SRC: variants seen among roughly 807,000 people sequenced by gnomAD.
SRC encodes the protein SRC proto-oncogene, non-receptor tyrosine kinase, also known as proto-oncogene tyrosine-protein kinase Src.
A neutral mutation model predicts 62.9 loss-of-function variants in SRC; 13 were observed. That is an observed-to-expected ratio of 0.21 (90% CI 0.13 to 0.33). The LOEUF is 0.33. Among genes scored for constraint, SRC ranks in the 10% least tolerant of loss-of-function variants. The probability of loss-of-function intolerance (pLI) is 1.00; values close to 1 mark genes in which losing one functional copy is unlikely to be tolerated. For missense variants in SRC, 457 were observed against 737.3 expected, an observed-to-expected ratio of 0.62 and a Z score of 4.40; for synonymous variants, 302 against 317.5, an observed-to-expected ratio of 0.95 and a Z score of 0.52.
At chr20:37,359,763 C>T (rs2069937502) in intron 1 of SRC, among the ~76,000 whole-genome samples, 1 of 151,818 alleles carries the variant, frequency 6.6e-6, no homozygotes, top group South Asian at 2.1e-4. Context: ...GTCCTGGGTG[C>T]ACCTGGCTGC....
At position 37,355,675 on chromosome 20, in the gene SRC, A is replaced by G. The variant is rs181275076; in HGVS notation, c.-247+9420A>G. Among the ~76,000 whole-genome samples the G allele has an allele frequency of 5.8e-3, 887 of 152,298 alleles. 3 individuals carry two copies. Among genetic ancestry groups the G allele is most frequent in the African/African-American group, 0.02 (838 of 41,550 alleles). On this transcript the variant is annotated intron_variant, in intron 1 of 13. Coordinates refer to ENST00000373578, the MANE Select transcript of SRC (RefSeq NM_198291.3). Reference sequence around the variant, plus strand: ...GGTAGGGGCCATATGAACTATGGCAACCCAGCACAATGCCAGGAGAGCTTC... The same window carrying G: ...GGTAGGGGCCATATGAACTATGGCAGCCCAGCACAATGCCAGGAGAGCTTC...
intron 7 of SRC, among the ~76,000 whole-genome samples, chr20:37,395,380 C>T (rs1481016047): frequency 6.6e-6 from 1 of 152,244 alleles, no homozygotes; most frequent in Non-Finnish European, 1.5e-5. Flanking sequence ...TCCCTGGCTG[C>T]TGGAGCCTCT....
intron 5 of SRC, among the ~76,000 whole-genome samples, chr20:37,389,275 T>G (rs2070507875): frequency 6.6e-6 from 1 of 152,118 alleles, no homozygotes; most frequent in East Asian, 1.9e-4. Context: ...TGGGTCTGAC[T>G]CTGGGTTGCT....
At chr20:37,352,779 C>G (rs2069825673) in intron 1 of SRC, among the ~76,000 whole-genome samples, 2 of 152,196 alleles carry the variant, frequency 1.3e-5, no homozygotes, top group African/African-American at 4.8e-5. Flanking sequence ...TATTTTCGAG[C>G]CGTAGCTATC....
chr20:37,403,408 G>C lies in SRC; in HGVS notation c.*29G>C. The C allele has an allele frequency of 6.5e-7, 1 of 1,543,154 alleles. No individual in the cohort carries two copies. The highest frequency in any genetic ancestry group is 8.7e-7 in the Non-Finnish European group (1 of 1,144,118). Reference sequence around the variant, plus strand: ...CAGGCGGGCCCAGACCGGCTTCTCGGCTTGGATCCTGGGCTGGGTGGCCCC... The same window carrying C: ...CAGGCGGGCCCAGACCGGCTTCTCGCCTTGGATCCTGGGCTGGGTGGCCCC... On this transcript the variant is annotated 3_prime_UTR_variant, in exon 14 of 14. Coordinates refer to ENST00000373578, the MANE Select transcript of SRC (RefSeq NM_198291.3). The surrounding 1 kb of genome is among the most constrained non-coding windows in gnomAD (Gnocchi z 7.1).
Position 37,366,330 on chromosome 20 carries a change from A to G in SRC, c.-173+1053A>G, listed in dbSNP as rs76402630. ...ATCTGATAGGTGAACAGTGGCCCCC[A>G]GTGTAGTTTATTTGAAAAATGTGTA... On this transcript the variant is annotated intron_variant, in intron 2 of 13. Coordinates refer to ENST00000373578, the MANE Select transcript of SRC (RefSeq NM_198291.3). Among the ~76,000 whole-genome samples, 764 of 152,304 alleles carry G rather than the reference A, an allele frequency of 5.0e-3. 8 individuals carry two copies. Among genetic ancestry groups the G allele is most frequent in the African/African-American group, 0.018 (728 of 41,574 alleles).
intron 1 of SRC, among the ~76,000 whole-genome samples, chr20:37,352,225 A>G (rs535752817): frequency 6.6e-6 from 1 of 152,360 alleles, no homozygotes; most frequent in Admixed American, 6.5e-5. Flanking sequence ...CGATGAGCCA[A>G]TGTGTGCCAA....
chr20:37,370,340 C>A (rs6018091), intron 2 of SRC, among the ~76,000 whole-genome samples: 32,198 of 152,170 alleles, frequency 0.21, 4,821 homozygotes, highest in African/African-American at 0.43. Flanking sequence ...TTTGGGAGAC[C>A]AAGGCGGGAG....
At chr20:37,381,847 C>T (rs1049920007) in intron 2 of SRC, among the ~76,000 whole-genome samples, 2 of 152,144 alleles carry the variant, frequency 1.3e-5, no homozygotes, top group Non-Finnish European at 2.9e-5. Context: ...TTGACTTGTC[C>T]CTCAGGAGAC....
chr20:37,376,344 A>T (rs748982744), intron 2 of SRC, among the ~76,000 whole-genome samples: 34 of 152,226 alleles, frequency 2.2e-4, no homozygotes, highest in Non-Finnish European at 4.0e-4. Context: ...AGCACTTTCT[A>T]TGTGCCAGGC....
chr20:37,371,221 T>C (rs1036952624), intron 2 of SRC, among the ~76,000 whole-genome samples: 3 of 152,220 alleles, frequency 2.0e-5, no homozygotes, highest in Non-Finnish European at 2.9e-5. Context: ...CTTGAACTCC[T>C]GAACTCAGGT....
At chr20:37,375,328 C>T (rs1230898132) in intron 2 of SRC, among the ~76,000 whole-genome samples, 1 of 151,902 alleles carries the variant, frequency 6.6e-6, no homozygotes, top group East Asian at 1.9e-4. Context: ...ACCTTCCAGA[C>T]TCAAGTGATT....
At chr20:37,391,553 ACT>A (rs1211842422) in intron 5 of SRC, among the ~76,000 whole-genome samples, 1 of 151,876 alleles carries the variant, frequency 6.6e-6, no homozygotes, top group Non-Finnish European at 1.5e-5. Flanking sequence ...AGTTTCCCCA[ACT>A]CTCTAAAGAA....
At position 37,384,486 on chromosome 20, in the gene SRC, C is replaced by T; in HGVS notation, c.250+83C>T. The T allele has an allele frequency of 7.9e-7, 1 of 1,270,160 alleles. No individual in the cohort carries two copies. 78.7% of individuals were successfully genotyped at this position (1,270,160 alleles called of 1,614,324 possible). On this transcript the variant is annotated intron_variant, in intron 4 of 13. Coordinates refer to ENST00000373578, the MANE Select transcript of SRC (RefSeq NM_198291.3). This position sits in a 1 kb window ranked among gnomAD's most constrained non-coding sequence, Gnocchi z 6.7. ...CGGGGCTGTGTGCCCGGGGTCGCCC[C>T]CTCTGCGCAGGCCCTTCCTCTCGCC...
In SRC at chr20:37,397,928, C is replaced by T; in HGVS notation, c.859+74C>T. 2 of 1,493,652 alleles carry T rather than the reference C, an allele frequency of 1.3e-6. No homozygotes were observed. Among genetic ancestry groups the T allele is most frequent in the Non-Finnish European group, 1.8e-6 (2 of 1,120,292 alleles). 92.5% of individuals were successfully genotyped at this position (1,493,652 alleles called of 1,614,324 possible). A position where few individuals can be genotyped will look rare whatever the true frequency, so the allele number is the denominator to read the frequency against. On this transcript the variant is annotated intron_variant, in intron 9 of 13. Coordinates refer to ENST00000373578, the MANE Select transcript of SRC (RefSeq NM_198291.3). This position sits in a 1 kb window ranked among gnomAD's most constrained non-coding sequence, Gnocchi z 4.1. ...TGTGGCAGCTCCGGGCTCCCTTGGTCCCTTTGCCTTTAGCTGCCTCTGCTG... is the reference window on the plus strand; with the variant it reads ...TGTGGCAGCTCCGGGCTCCCTTGGTTCCTTTGCCTTTAGCTGCCTCTGCTG...
chr20:37,390,797 C>A (rs2070535335), intron 5 of SRC, among the ~76,000 whole-genome samples: 1 of 152,138 alleles, frequency 6.6e-6, no homozygotes, highest in South Asian at 2.1e-4. Flanking sequence ...GGGCCAAGGT[C>A]AGACAGCCAG....
intron 1 of SRC, among the ~76,000 whole-genome samples, chr20:37,346,720 G>A (rs1208356896): frequency 6.6e-6 from 1 of 152,160 alleles, no homozygotes; most frequent in Non-Finnish European, 1.5e-5. Flanking sequence ...GGGTCAGGGC[G>A]CCAGGCCGAA....
At chr20:37,378,562 T>C (rs183359705) in intron 2 of SRC, among the ~76,000 whole-genome samples, 16 of 152,232 alleles carry the variant, frequency 1.1e-4, no homozygotes, top group Non-Finnish European at 1.9e-4. Flanking sequence ...ACTGAAACAG[T>C]GTGTTGGGGT....
chr20:37,376,754 C>T (rs1372451097), intron 2 of SRC, among the ~76,000 whole-genome samples: 1 of 152,196 alleles, frequency 6.6e-6, no homozygotes, highest in Admixed American at 6.5e-5. Flanking sequence ...CCACCTGCCT[C>T]AGCCTCCCAA....
Sources: gnomAD v4.1 joint callset for allele counts (sites outside exome capture counted in the v4.1 genomes callset) on GRCh38, gnomAD v4.1.1 for gene constraint, Gnocchi (gnomAD v3.1) non-coding constraint, MANE v1.5 for transcripts, NCBI Gene and HGNC (gene_info 2026-07-23, HGNC 2026-07-21) for gene names.